CFAP141: variants seen among roughly 807,000 people sequenced by gnomAD.
The protein encoded by CFAP141 is cilia- and flagella-associated protein 141.
chr1:154,206,272 T>C, the CFAP141 span: 4 of 1,614,034 alleles, frequency 2.5e-6, no homozygotes, highest in South Asian at 3.3e-5. Context: ...CAACTCTGCA[T>C]ACCTCTTCTA....
chr1:154,200,928 C>T, the CFAP141 span, among the ~76,000 whole-genome samples: 2 of 152,176 alleles, frequency 1.3e-5, no homozygotes, highest in Non-Finnish European at 2.9e-5. Context: ...AGGTGATCCA[C>T]CTGCCTCGGC....
the CFAP141 span, chr1:154,206,278 T>C: frequency 6.2e-7 from 1 of 1,614,130 alleles, no homozygotes; most frequent in Non-Finnish European, 8.5e-7. Flanking sequence ...TGCATACCTC[T>C]TCTACTTTTG....
At chr1:154,202,909 C>G in the CFAP141 span, among the ~76,000 whole-genome samples, 3 of 151,394 alleles carry the variant, frequency 2.0e-5, no homozygotes, top group African/African-American at 7.3e-5. Flanking sequence ...TCACTTGAGG[C>G]CAGGAGTTCA....
the CFAP141 span, chr1:154,200,514 C>G: frequency 1.9e-6 from 3 of 1,614,056 alleles, no homozygotes; most frequent in African/African-American, 4.0e-5. Context: ...GTCCTGCATC[C>G]TTAGGGTGGC....
At chr1:154,199,535 G>C in the CFAP141 span, 1 of 1,589,702 alleles carries the variant, frequency 6.3e-7, no homozygotes, top group African/African-American at 1.3e-5. Flanking sequence ...GGACCTGGTG[G>C]AGAGGGCAGA....
chr1:154,205,850 T>A, the CFAP141 span, among the ~76,000 whole-genome samples: 1 of 152,110 alleles, frequency 6.6e-6, no homozygotes, highest in South Asian at 2.1e-4. Flanking sequence ...ATTATAGGAA[T>A]GCACCACCAT....
At chr1:154,202,523 G>A in the CFAP141 span, among the ~76,000 whole-genome samples, 894 of 152,218 alleles carry the variant, frequency 5.9e-3, 14 homozygotes, top group Middle Eastern at 0.024. Context: ...AAGTGAGGCC[G>A]GCCGCGGTGA....
the CFAP141 span, chr1:154,200,327 G>C: frequency 3.4e-6 from 3 of 895,366 alleles, no homozygotes; most frequent in Non-Finnish European, 3.5e-6. Flanking sequence ...GTGTTGCTCT[G>C]GTGTAATGCT....
At chr1:154,202,538 T>C in the CFAP141 span, among the ~76,000 whole-genome samples, 2 of 152,006 alleles carry the variant, frequency 1.3e-5, no homozygotes, top group Non-Finnish European at 2.9e-5. Context: ...CGGTGACTCA[T>C]GCCTGTAATC....
At chr1:154,203,541 A>G in the CFAP141 span, among the ~76,000 whole-genome samples, 1 of 151,346 alleles carries the variant, frequency 6.6e-6, no homozygotes, top group African/African-American at 2.4e-5. Flanking sequence ...CAATCCTTCT[A>G]CCTCAGCTGT....
the CFAP141 span, chr1:154,200,464 G>GC: frequency 1.2e-6 from 2 of 1,614,094 alleles, no homozygotes; most frequent in African/African-American, 2.7e-5. Flanking sequence ...CTCACCATTA[G>GC]TAGTTGCTTT....
chr1:154,200,660 G>T, the CFAP141 span: 4 of 1,460,998 alleles, frequency 2.7e-6, no homozygotes, highest in Non-Finnish European at 2.8e-6. Context: ...AACCCATAGA[G>T]TGAGGCTGTT....
At chr1:154,199,984 C>T in the CFAP141 span, among the ~76,000 whole-genome samples, 1 of 152,212 alleles carries the variant, frequency 6.6e-6, no homozygotes, top group South Asian at 2.1e-4. Context: ...AAGTGATTCT[C>T]GTGCCTCGGC....
At chr1:154,204,219 T>C in the CFAP141 span, among the ~76,000 whole-genome samples, 196 of 152,340 alleles carry the variant, frequency 1.3e-3, no homozygotes, top group African/African-American at 4.1e-3. Flanking sequence ...TCAATGGATA[T>C]GTAAATTTAA....
At chr1:154,206,299 C>T in the CFAP141 span, 1 of 1,614,076 alleles carries the variant, frequency 6.2e-7, no homozygotes, top group South Asian at 1.1e-5. Flanking sequence ...TCATCTTTTC[C>T]ACAGACATGT....
chr1:154,201,783 T>C, the CFAP141 span, among the ~76,000 whole-genome samples: 3 of 151,950 alleles, frequency 2.0e-5, no homozygotes, highest in African/African-American at 7.3e-5. Context: ...TTTAATTTTT[T>C]TTTTTGAGAA....
the CFAP141 span, chr1:154,200,388 T>C: frequency 7.1e-6 from 11 of 1,539,742 alleles, no homozygotes; most frequent in Non-Finnish European, 9.7e-6. Context: ...CACTAAGAGC[T>C]TGGAAAACTC....
At chr1:154,203,172 AATATATATAT>A in the CFAP141 span, among the ~76,000 whole-genome samples, 19 of 29,522 alleles carry the variant, frequency 6.4e-4, no homozygotes, top group Non-Finnish European at 8.1e-4. Flanking sequence ...TGACTGGGCA[AATATATATAT>A]ATATATATAT....
chr1:154,200,511 A>T, the CFAP141 span: 1 of 1,614,212 alleles, frequency 6.2e-7, no homozygotes, highest in Non-Finnish European at 8.5e-7. Context: ...GGTGTCCTGC[A>T]TCCTTAGGGT....
Sources: gnomAD v4.1 joint callset for allele counts (sites outside exome capture counted in the v4.1 genomes callset) on GRCh38, gnomAD v4.1.1 for gene constraint, MANE v1.5 for transcripts, NCBI Gene and HGNC (gene_info 2026-07-23, HGNC 2026-07-21) for gene names.